LPP: variants seen among roughly 807,000 people sequenced by gnomAD.
LPP encodes the protein LIM domain containing preferred translocation partner in lipoma.
A neutral mutation model predicts 60.4 loss-of-function variants in LPP; 38 were observed. The ratio of observed to expected loss-of-function variants is 0.63; its 90% CI spans 0.49 to 0.83. The LOEUF is 0.83. Ranked by LOEUF, LPP falls within the 40% of genes least tolerant of loss-of-function variation. LPP has a pLI of 0.00. For synonymous variants in LPP, 328 were observed against 290.8 expected (o/e 1.13, Z -1.30); for missense variants, 902 against 783.6 (o/e 1.15, Z -1.80).
At chr3:188,190,459 G>A (rs966447476) in intron 1 of LPP, among the ~76,000 whole-genome samples, 1 of 152,112 alleles carries the variant, frequency 6.6e-6, no homozygotes, top group Non-Finnish European at 1.5e-5. Flanking sequence ...GTCAATGTGG[G>A]GTCTGACTCC....
intron 6 of LPP, among the ~76,000 whole-genome samples, chr3:188,571,154 T>A (rs765858913): frequency 5.3e-5 from 8 of 152,074 alleles, no homozygotes; most frequent in Non-Finnish European, 2.9e-5. Context: ...AAAGATTAAG[T>A]CTTATTTCAT....
At chr3:188,587,885 C>T (rs1181602446) in intron 6 of LPP, among the ~76,000 whole-genome samples, 1 of 152,144 alleles carries the variant, frequency 6.6e-6, no homozygotes, top group Non-Finnish European at 1.5e-5. Flanking sequence ...TTGTAAAAAC[C>T]TCAAACAATA....
chr3:188,832,476 G>C (rs1757364890), intron 9 of LPP, among the ~76,000 whole-genome samples: 1 of 152,204 alleles, frequency 6.6e-6, no homozygotes, highest in African/African-American at 2.4e-5. Context: ...ATTGCAGCCT[G>C]TAAGACTCCG....
intron 8 of LPP, among the ~76,000 whole-genome samples, chr3:188,733,479 C>A (rs1721389324): frequency 6.6e-6 from 1 of 152,134 alleles, no homozygotes; most frequent in Non-Finnish European, 1.5e-5. Flanking sequence ...ATTAAGCCCC[C>A]CTTCTCTAAC....
chr3:188,733,691 T>C (rs1359528336), intron 8 of LPP, among the ~76,000 whole-genome samples: 2 of 152,218 alleles, frequency 1.3e-5, no homozygotes, highest in African/African-American at 4.8e-5. Flanking sequence ...CCAAACACTT[T>C]ACCAAATTCA....
At chr3:188,791,696 C>T (rs867215696) in intron 9 of LPP, among the ~76,000 whole-genome samples, 5 of 152,106 alleles carry the variant, frequency 3.3e-5, no homozygotes, top group Non-Finnish European at 7.4e-5. Flanking sequence ...CTGGCCAGTA[C>T]ATTGCCATCC....
intron 7 of LPP, among the ~76,000 whole-genome samples, chr3:188,657,785 A>T (rs1853626624): frequency 6.6e-6 from 1 of 152,156 alleles, no homozygotes; most frequent in Non-Finnish European, 1.5e-5. Flanking sequence ...AATATATATA[A>T]GTTGGCTAAG....
intron 9 of LPP, among the ~76,000 whole-genome samples, chr3:188,762,871 G>A (rs1732852972): frequency 6.6e-6 from 1 of 151,356 alleles, no homozygotes; most frequent in Non-Finnish European, 1.5e-5. Context: ...ATTCTTATCA[G>A]AATTCAGTTA....
At chr3:188,271,909 TA>T (rs1737875957) in intron 2 of LPP, among the ~76,000 whole-genome samples, 1 of 152,100 alleles carries the variant, frequency 6.6e-6, no homozygotes, top group African/African-American at 2.4e-5. Flanking sequence ...GAGGCACCCA[TA>T]ATAGTCCCTT....
chr3:188,446,104 A>G (rs1209814611), intron 4 of LPP, among the ~76,000 whole-genome samples: 2 of 152,184 alleles, frequency 1.3e-5, no homozygotes, highest in Non-Finnish European at 2.9e-5. Context: ...TCTATGCATA[A>G]TAATTTCAGG....
At chr3:188,670,880 C>T (rs769510535) in intron 7 of LPP, among the ~76,000 whole-genome samples, 51 of 152,172 alleles carry the variant, frequency 3.4e-4, no homozygotes, top group South Asian at 2.1e-4. Flanking sequence ...AATGTGTCCT[C>T]GTTGCCATCC....
chr3:188,654,300 A>G (rs1378231417), intron 7 of LPP, among the ~76,000 whole-genome samples: 3 of 152,208 alleles, frequency 2.0e-5, no homozygotes, highest in East Asian at 3.8e-4. Context: ...CTGAGCTTGG[A>G]CAATCAGTGA....
intron 8 of LPP, among the ~76,000 whole-genome samples, chr3:188,732,292 TAA>T (rs1469367054): frequency 6.6e-6 from 1 of 152,148 alleles, no homozygotes; most frequent in Non-Finnish European, 1.5e-5. Flanking sequence ...ATGAAATGAA[TAA>T]AATTATTCTA....
At chr3:188,293,091 T>C (rs1746574945) in intron 2 of LPP, among the ~76,000 whole-genome samples, 1 of 152,242 alleles carries the variant, frequency 6.6e-6, no homozygotes, top group East Asian at 1.9e-4. Context: ...TTAATTTTAT[T>C]TGAGCTGGCA....
chr3:188,294,246 C>G (rs1747089477), intron 2 of LPP, among the ~76,000 whole-genome samples: 1 of 151,854 alleles, frequency 6.6e-6, no homozygotes, highest in South Asian at 2.1e-4. Flanking sequence ...TTTTGGGATG[C>G]TGAAAATGCT....
chr3:188,705,442 C>T (rs1009694953), intron 7 of LPP, among the ~76,000 whole-genome samples: 1 of 152,000 alleles, frequency 6.6e-6, no homozygotes, highest in African/African-American at 2.4e-5. Context: ...CTGTGACCAA[C>T]CTTCGTCATT....
rs147102982 is a variant in LPP, at chr3:188,556,377, A to G, written c.429+31590A>G. Among the ~76,000 whole-genome samples the G allele has an allele frequency of 3.5e-3, 530 of 152,114 alleles. 5 individuals carry two copies. Among genetic ancestry groups the G allele is most frequent in the Non-Finnish European group, 1.7e-3 (116 of 67,968 alleles). Reference sequence around the variant, plus strand: ...TTACTTTTGAAAGGAAAGAAATGATATGTTTTGTCTCATAGGTTTATTGGG... The same window carrying G: ...TTACTTTTGAAAGGAAAGAAATGATGTGTTTTGTCTCATAGGTTTATTGGG... On this transcript the variant is annotated intron_variant, in intron 6 of 11. Coordinates refer to ENST00000617246, the MANE Select transcript of LPP (RefSeq NM_001375462.1).
intron 7 of LPP, among the ~76,000 whole-genome samples, chr3:188,696,440 C>T (rs1017314469): frequency 4.6e-5 from 7 of 152,214 alleles, no homozygotes; most frequent in Non-Finnish European, 7.4e-5. Context: ...AGAGACCAGC[C>T]TGGGCAACAC....
intron 9 of LPP, among the ~76,000 whole-genome samples, chr3:188,775,244 G>A (rs1467536469): frequency 9.9e-5 from 15 of 151,916 alleles, no homozygotes; most frequent in Non-Finnish European, 1.0e-4. Context: ...GTACAGACGG[G>A]GTTTCACCAT....
Sources: allele counts gnomAD v4.1 joint callset (sites outside exome capture counted in the v4.1 genomes callset), GRCh38; gene constraint gnomAD v4.1.1; transcripts MANE v1.5; gene names NCBI Gene and HGNC (gene_info 2026-07-23, HGNC 2026-07-21).